The following PAX5 variants were observed in gnomAD, a reference collection of about 807,000 sequenced individuals.
PAX5 encodes the protein paired box 5.
Under a neutral mutation model 43.7 loss-of-function variants are expected in PAX5, and 9 were observed. That is an observed-to-expected ratio of 0.21 (90% confidence interval 0.12 to 0.36). The LOEUF is 0.36. Among genes scored for constraint, PAX5 ranks in the 10% least tolerant of loss-of-function variants. The pLI is 1.00. For missense variants in PAX5, 383 were observed against 532.7 expected (o/e 0.72, Z 2.77); for synonymous variants, 228 against 214.3 (o/e 1.06, Z -0.56).
At chr9:36,847,373 AC>A (rs1241101664) in intron 8 of PAX5, among the ~76,000 whole-genome samples, 20 of 152,024 alleles carry the variant, frequency 1.3e-4, no homozygotes, top group Admixed American at 1.3e-3. Flanking sequence ...GCTCAGTTCT[AC>A]CCCCCACCTG....
chr9:36,978,495 A>G (rs1835641122), intron 5 of PAX5, among the ~76,000 whole-genome samples: 1 of 142,520 alleles, frequency 7.0e-6, no homozygotes, highest in Non-Finnish European at 1.5e-5. Context: ...CCCATCCCCC[A>G]CTGCACAGAA....
intron 6 of PAX5, among the ~76,000 whole-genome samples, chr9:36,962,978 T>A (rs1211665426): frequency 6.6e-6 from 1 of 152,248 alleles, no homozygotes; most frequent in Non-Finnish European, 1.5e-5. Flanking sequence ...TCAAGGAACC[T>A]GTACCCTTGA....
intron 6 of PAX5, among the ~76,000 whole-genome samples, chr9:36,936,691 A>G (rs1163557342): frequency 6.6e-6 from 1 of 152,222 alleles, no homozygotes; most frequent in Non-Finnish European, 1.5e-5. Flanking sequence ...GGAGGCATGG[A>G]GAAATGAAAA....
At chr9:36,907,552 T>G (rs181167710) in intron 7 of PAX5, among the ~76,000 whole-genome samples, 1 of 152,256 alleles carries the variant, frequency 6.6e-6, no homozygotes, top group East Asian at 1.9e-4. Flanking sequence ...TGAGAGAGAT[T>G]CGCCCCCTAG....
chr9:37,025,383 G>C (rs908276835), intron 1 of PAX5, among the ~76,000 whole-genome samples: 2 of 149,438 alleles, frequency 1.3e-5, no homozygotes, highest in Admixed American at 6.6e-5. Flanking sequence ...TTAAATAGGG[G>C]ACCTGCGGCT....
intron 7 of PAX5, among the ~76,000 whole-genome samples, chr9:36,900,644 G>A (rs181768002): frequency 5.2e-4 from 78 of 151,192 alleles, no homozygotes; most frequent in African/African-American, 1.2e-3. Context: ...TCTCCATGGC[G>A]TCCTCCTCCA....
At chr9:37,005,987 G>A (rs1414379204) in intron 4 of PAX5, among the ~76,000 whole-genome samples, 1 of 152,204 alleles carries the variant, frequency 6.6e-6, no homozygotes, top group Non-Finnish European at 1.5e-5. Context: ...TAGAGTTCAT[G>A]AGATCGAAGC....
intron 7 of PAX5, among the ~76,000 whole-genome samples, chr9:36,900,725 T>C (rs1828309450): frequency 1.3e-5 from 2 of 152,128 alleles, no homozygotes. Flanking sequence ...CCATCGTCCT[T>C]GTCTAAAGCT....
intron 6 of PAX5, among the ~76,000 whole-genome samples, chr9:36,961,687 T>C (rs1449371742): frequency 1.3e-5 from 2 of 152,182 alleles, no homozygotes; most frequent in African/African-American, 4.8e-5. Context: ...CGGCAGGCTA[T>C]GCTCCGTAGC....
chr9:36,981,375 C>G (rs1835918662), intron 5 of PAX5, among the ~76,000 whole-genome samples: 1 of 145,460 alleles, frequency 6.9e-6, no homozygotes, highest in South Asian at 2.2e-4. Context: ...TAGGACAATA[C>G]CTAGCACACA....
In PAX5 at chr9:36,886,569, G is replaced by A. The variant is rs59718229; in HGVS notation, c.911-4464C>T. ...CAACCTGTCAACACAAGGCAGCTAA[G>A]GAGATGCTACTCCCCCTTCTTAGCT... On this transcript the variant is annotated intron_variant, in intron 7 of 9. Transcript: ENST00000358127. 4.4e-4 allele frequency among the ~76,000 whole-genome samples: 67 copies of A among 152,328 alleles called. No homozygotes were observed. The East Asian group carries it at 0.012, about 26-fold the overall frequency.
Position 36,943,653 on chromosome 9 carries a change from G to A in PAX5, c.781-20169C>T, listed in dbSNP as rs147164485. 7.3e-3 allele frequency among the ~76,000 whole-genome samples: 1,114 copies of A among 152,102 alleles called. 7 individuals are homozygous for A. Among genetic ancestry groups the A allele is most frequent in the Non-Finnish European group, 0.012 (818 of 67,986 alleles). Reference sequence around the variant, plus strand: ...AATTCTGGGTAAATTAATGTTGCAAGAGAATTTTTGTAATAAAATCAGAAA... The same window carrying A: ...AATTCTGGGTAAATTAATGTTGCAAAAGAATTTTTGTAATAAAATCAGAAA... On this transcript the variant is annotated intron_variant, in intron 6 of 9. Transcript: ENST00000358127.
Position 36,837,891 on chromosome 9 carries a change from C to G in PAX5, c.*2669G>C, listed in dbSNP as rs1821752919. 1 of 233,258 alleles carries G rather than the reference C, an allele frequency of 4.3e-6. No individual in the cohort carries two copies. Among genetic ancestry groups the G allele is most frequent in the African/African-American group, 2.2e-5 (1 of 45,340 alleles). 14.4% of individuals were successfully genotyped at this position (233,258 alleles called of 1,614,324 possible). A position where few individuals can be genotyped will look rare whatever the true frequency, so the allele number is the denominator to read the frequency against. On this transcript the variant is annotated 3_prime_UTR_variant, in exon 10 of 10. Transcript: ENST00000358127. ...TGCTGCATGCCTCAGGCAGCTGGTT[C>G]AGGGGAGGCTGACCTCCTCCCAACA...
At chr9:36,923,758 C>G (rs1830370001) in intron 6 of PAX5, among the ~76,000 whole-genome samples, 1 of 152,216 alleles carries the variant, frequency 6.6e-6, no homozygotes, top group Non-Finnish European at 1.5e-5. Context: ...CTCTGGCCTG[C>G]ATGTTGCCCT....
chr9:36,946,083 C>G (rs1405450340), intron 6 of PAX5, among the ~76,000 whole-genome samples: 1 of 152,058 alleles, frequency 6.6e-6, no homozygotes, highest in Non-Finnish European at 1.5e-5. Context: ...CTGAGGAGTG[C>G]TCCGTCAGGA....
At chr9:36,937,469 A>C (rs999411361) in intron 6 of PAX5, among the ~76,000 whole-genome samples, 27 of 152,174 alleles carry the variant, frequency 1.8e-4, no homozygotes, top group African/African-American at 6.5e-4. Context: ...GCCGGGGGTT[A>C]AACCCAGCTT....
At chr9:37,025,639 C>T (rs540487972) in intron 1 of PAX5, among the ~76,000 whole-genome samples, 1 of 152,346 alleles carries the variant, frequency 6.6e-6, no homozygotes, top group Admixed American at 6.5e-5. Context: ...CCGGCGTTAA[C>T]TCACCGTGAG....
chr9:36,879,605 GTCC>G (rs1373619239), intron 8 of PAX5, among the ~76,000 whole-genome samples: 1 of 152,140 alleles, frequency 6.6e-6, no homozygotes, highest in African/African-American at 2.4e-5. Flanking sequence ...TGGGGTTCAA[GTCC>G]TCCTCCTGCA....
chr9:36,934,828 T>C (rs1010267550), intron 6 of PAX5, among the ~76,000 whole-genome samples: 5 of 152,216 alleles, frequency 3.3e-5, no homozygotes, highest in Non-Finnish European at 5.9e-5. Flanking sequence ...AGACAGTGTC[T>C]CCCTCATCTT....
Sources: allele counts gnomAD v4.1 joint callset (sites outside exome capture counted in the v4.1 genomes callset), GRCh38; gene constraint gnomAD v4.1.1; transcripts MANE v1.5; gene names NCBI Gene and HGNC (gene_info 2026-07-23, HGNC 2026-07-21).